The following KCNK10 variants were observed in gnomAD, a reference collection of about 807,000 sequenced individuals.
KCNK10 encodes the protein potassium two pore domain channel subfamily K member 10, also known as potassium channel subfamily K member 10.
KCNK10 carries 25 observed loss-of-function variants against 47.7 expected under a neutral mutation model. The observed-to-expected ratio is 0.52, with a 90% CI of 0.38 to 0.73. The LOEUF (loss-of-function observed/expected upper bound fraction) is 0.73, where lower values mean the gene tolerates loss of function less well. KCNK10 is among the 30% of genes least tolerant of loss of function. The pLI is 0.00. For missense variants in KCNK10, 563 were observed against 714.5 expected (o/e 0.79, Z 2.42); for synonymous variants, 303 against 285.6 (o/e 1.06, Z -0.61).
intron 4 of KCNK10, among the ~76,000 whole-genome samples, chr14:88,217,705 C>T (rs1885666495): frequency 6.7e-6 from 1 of 149,342 alleles, no homozygotes; most frequent in Non-Finnish European, 1.5e-5. Context: ...TAGGCACTTA[C>T]CACCTCACCC....
At chr14:88,297,115 C>A (rs1566717896) in intron 1 of KCNK10, among the ~76,000 whole-genome samples, 1 of 152,134 alleles carries the variant, frequency 6.6e-6, no homozygotes, top group Non-Finnish European at 1.5e-5. Flanking sequence ...CGGAGTACTG[C>A]ACAGAGCCTG....
At chr14:88,238,203 A>C (rs1384688370) in intron 3 of KCNK10, among the ~76,000 whole-genome samples, 2 of 152,232 alleles carry the variant, frequency 1.3e-5, no homozygotes, top group Non-Finnish European at 2.9e-5. Context: ...TAGCCTTTAT[A>C]GAACTGAAAA....
chr14:88,311,352 TAGTA>T (rs1028001716), intron 1 of KCNK10, among the ~76,000 whole-genome samples: 6 of 152,148 alleles, frequency 3.9e-5, no homozygotes, highest in African/African-American at 1.4e-4. Flanking sequence ...AAGAGTTCCT[TAGTA>T]AGTAAGACCT....
chr14:88,326,852 C>T (rs949235231), upstream of KCNK10: 3 of 228,248 alleles, frequency 1.3e-5, no homozygotes, highest in Admixed American at 1.2e-4. Flanking sequence ...GCTCCCTTAC[C>T]CCCTCCCCAC....
chr14:88,298,616 C>G (rs1204684882), intron 1 of KCNK10, among the ~76,000 whole-genome samples: 1 of 152,186 alleles, frequency 6.6e-6, no homozygotes, highest in East Asian at 1.9e-4. Context: ...TCCAGTGCCC[C>G]CCTAGCCCAG....
chr14:88,197,612 A>AAAAAAAAAC, intron 4 of KCNK10, among the ~76,000 whole-genome samples: 1 of 131,112 alleles, frequency 7.6e-6, no homozygotes, highest in African/African-American at 2.9e-5. Context: ...AAAAAAAAAA[A>AAAAAAAAAC]TCAACTGTTC....
intron 1 of KCNK10, among the ~76,000 whole-genome samples, chr14:88,290,894 C>A (rs1330483596): frequency 6.6e-6 from 1 of 152,174 alleles, no homozygotes; most frequent in Non-Finnish European, 1.5e-5. Flanking sequence ...GCAAGTTGTG[C>A]AGAAGCAAAG....
intron 1 of KCNK10, among the ~76,000 whole-genome samples, chr14:88,318,065 G>A (rs570332762): frequency 1.1e-4 from 16 of 152,318 alleles, no homozygotes; most frequent in East Asian, 3.9e-4. Context: ...GGTCAAAGAC[G>A]AGAAAAGAAG....
chr14:88,241,716 C>A (rs1201651852), intron 2 of KCNK10, among the ~76,000 whole-genome samples: 3 of 152,190 alleles, frequency 2.0e-5, no homozygotes, highest in Non-Finnish European at 4.4e-5. Context: ...ACAAACGGTG[C>A]CCATCCTTCT....
At chr14:88,207,788 T>C (rs892965483) in intron 4 of KCNK10, among the ~76,000 whole-genome samples, 5 of 152,144 alleles carry the variant, frequency 3.3e-5, no homozygotes, top group Non-Finnish European at 7.4e-5. Flanking sequence ...CATAGGCTGA[T>C]GGGGATGCCC....
At chr14:88,282,461 A>G (rs1044626158) in intron 1 of KCNK10, among the ~76,000 whole-genome samples, 2 of 152,218 alleles carry the variant, frequency 1.3e-5, no homozygotes, top group Non-Finnish European at 2.9e-5. Context: ...AAATCTCAAT[A>G]TTTGGCATTC....
chr14:88,270,737 C>A (rs780348688), intron 1 of KCNK10: 1 of 781,092 alleles, frequency 1.3e-6, no homozygotes, highest in African/African-American at 1.7e-5. Context: ...TCTTCTCTCA[C>A]CTGAATCACT....
intron 5 of KCNK10, among the ~76,000 whole-genome samples, chr14:88,190,323 A>T (rs960766134): frequency 3.9e-5 from 6 of 152,174 alleles, no homozygotes; most frequent in African/African-American, 1.4e-4. Context: ...TGCTTTGGAT[A>T]CTTAAAGATG....
At chr14:88,325,486 G>T (rs1189677799), upstream of KCNK10, among the ~76,000 whole-genome samples, 1 of 152,156 alleles carries the variant, frequency 6.6e-6, no homozygotes, top group Non-Finnish European at 1.5e-5. Flanking sequence ...AGAAGATCAA[G>T]GCTCAGAGAG....
intron 4 of KCNK10, among the ~76,000 whole-genome samples, chr14:88,202,663 T>C (rs915319853): frequency 1.3e-5 from 2 of 152,144 alleles, no homozygotes; most frequent in African/African-American, 2.4e-5. Context: ...ACAGAACCAC[T>C]TTCTCCTCTT....
At chr14:88,279,250 T>C (rs1289888334) in intron 1 of KCNK10, among the ~76,000 whole-genome samples, 1 of 152,160 alleles carries the variant, frequency 6.6e-6, no homozygotes, top group Admixed American at 6.5e-5. Flanking sequence ...TCACCAGACA[T>C]AATTTCCTTT....
chr14:88,250,837 A>G (rs1030379779), intron 2 of KCNK10, among the ~76,000 whole-genome samples: 5 of 152,090 alleles, frequency 3.3e-5, no homozygotes, highest in African/African-American at 1.2e-4. Context: ...CCAGAGAAGT[A>G]CTATTGACAA....
intron 1 of KCNK10, among the ~76,000 whole-genome samples, chr14:88,321,025 C>G (rs569638926): frequency 9.2e-5 from 14 of 152,304 alleles, no homozygotes; most frequent in African/African-American, 3.4e-4. Flanking sequence ...AGGCATACTT[C>G]CGTATTTCCA....
intron 2 of KCNK10, among the ~76,000 whole-genome samples, chr14:88,262,032 A>G (rs991476285): frequency 3.3e-5 from 5 of 152,206 alleles, no homozygotes; most frequent in African/African-American, 1.2e-4. Flanking sequence ...CCCCTACTCT[A>G]TTGGTATGGT....
Sources: allele counts gnomAD v4.1 joint callset (sites outside exome capture counted in the v4.1 genomes callset), GRCh38; gene constraint gnomAD v4.1.1; transcripts MANE v1.5; gene names NCBI Gene and HGNC (gene_info 2026-07-23, HGNC 2026-07-21).